CTNND2: variants seen among roughly 807,000 people sequenced by gnomAD.
The protein encoded by CTNND2 is catenin delta-2.
Under a neutral mutation model 144.4 loss-of-function variants are expected in CTNND2, and 22 were observed. The ratio of observed to expected loss-of-function variants is 0.15; its 90% CI spans 0.11 to 0.22. The LOEUF is 0.22. CTNND2 is among the 10% of genes least tolerant of loss of function. The pLI, the probability that CTNND2 is intolerant of heterozygous loss-of-function variation, is 1.00. For missense variants in CTNND2, 1,353 were observed against 1,618.8 expected (o/e 0.84, Z 2.82); for synonymous variants, 751 against 695.6 (o/e 1.08, Z -1.25).
At chr5:11,340,143 C>T (rs992848642) in intron 9 of CTNND2, among the ~76,000 whole-genome samples, 1 of 152,162 alleles carries the variant, frequency 6.6e-6, no homozygotes, top group East Asian at 1.9e-4. Flanking sequence ...GTCCTCTTTA[C>T]CTGGAAAGCT....
At chr5:11,056,349 C>T (rs1746350500) in intron 16 of CTNND2, among the ~76,000 whole-genome samples, 1 of 152,008 alleles carries the variant, frequency 6.6e-6, no homozygotes, top group African/African-American at 2.4e-5. Context: ...ATGTAGAAAA[C>T]AAATGGAAAT....
chr5:11,615,896 T>C (rs1780556223), intron 2 of CTNND2, among the ~76,000 whole-genome samples: 1 of 152,190 alleles, frequency 6.6e-6, no homozygotes, highest in Non-Finnish European at 1.5e-5. Context: ...TTTACACAAA[T>C]ATTCCTGTGT....
chr5:11,301,716 T>C (rs902679148), intron 9 of CTNND2, among the ~76,000 whole-genome samples: 1 of 152,222 alleles, frequency 6.6e-6, no homozygotes, highest in Non-Finnish European at 1.5e-5. Context: ...AAACATATTT[T>C]GTGTTTTAAT....
At chr5:11,792,190 T>G (rs928104526) in intron 1 of CTNND2, among the ~76,000 whole-genome samples, 11 of 152,202 alleles carry the variant, frequency 7.2e-5, no homozygotes, top group African/African-American at 2.7e-4. Flanking sequence ...AATGCTCTAA[T>G]TACATAGTTA....
chr5:11,799,564 G>A lies in CTNND2; in HGVS notation c.38-67292C>T, dbSNP rs915777330. On this transcript the variant is annotated intron_variant, in intron 1 of 21. Transcript: ENST00000304623. ...CATTTTCAATGCATTTTTGTTCACT[G>A]ACACAATATACAGACTTTTTTGTGG... 2.4e-4 allele frequency among the ~76,000 whole-genome samples: 36 copies of A among 152,026 alleles called. 1 individual carries two copies. The highest frequency in any genetic ancestry group is 4.8e-5 in the African/African-American group (2 of 41,384).
chr5:11,093,336 T>C (rs549347700), intron 15 of CTNND2, among the ~76,000 whole-genome samples: 2 of 152,006 alleles, frequency 1.3e-5, no homozygotes, highest in Non-Finnish European at 2.9e-5. Flanking sequence ...TTCAAAGCAC[T>C]ATACCCAATT....
At chr5:11,242,125 T>C (rs944097078) in intron 9 of CTNND2, among the ~76,000 whole-genome samples, 3 of 152,170 alleles carry the variant, frequency 2.0e-5, no homozygotes, top group Admixed American at 6.5e-5. Flanking sequence ...GGTCTGTGGA[T>C]ACTGTTGTGA....
At chr5:11,451,069 T>A (rs968709061) in intron 3 of CTNND2, among the ~76,000 whole-genome samples, 11 of 151,694 alleles carry the variant, frequency 7.3e-5, no homozygotes, top group Non-Finnish European at 1.3e-4. Context: ...TGTAGAAATT[T>A]TAAAAATTAT....
chr5:11,759,790 T>C (rs925685428), intron 1 of CTNND2, among the ~76,000 whole-genome samples: 1 of 152,114 alleles, frequency 6.6e-6, no homozygotes, highest in African/African-American at 2.4e-5. Flanking sequence ...AATACAGCAA[T>C]GCTATGCAGT....
chr5:11,788,140 C>T (rs944945071), intron 1 of CTNND2, among the ~76,000 whole-genome samples: 7 of 152,170 alleles, frequency 4.6e-5, no homozygotes, highest in Admixed American at 2.0e-4. Context: ...GTTTGACCAA[C>T]CGTAGCCTTA....
intron 1 of CTNND2, among the ~76,000 whole-genome samples, chr5:11,872,138 G>A (rs1735186980): frequency 1.3e-5 from 2 of 151,940 alleles, no homozygotes; most frequent in African/African-American, 4.8e-5. Context: ...GGGGTGTTTG[G>A]TTTTCTGTTC....
chr5:11,364,009 A>G (rs911579188), intron 8 of CTNND2, among the ~76,000 whole-genome samples: 4 of 152,232 alleles, frequency 2.6e-5, no homozygotes, highest in African/African-American at 9.6e-5. Context: ...TGGAGTTAAG[A>G]TAAGTGTTCT....
At chr5:11,497,551 G>A (rs1476314760) in intron 3 of CTNND2, among the ~76,000 whole-genome samples, 1 of 142,240 alleles carries the variant, frequency 7.0e-6, no homozygotes, top group Non-Finnish European at 1.5e-5. Flanking sequence ...AGGCCCTGAG[G>A]CACAAAAGAA....
At chr5:11,761,626 T>G (rs1789268901) in intron 1 of CTNND2, among the ~76,000 whole-genome samples, 1 of 152,182 alleles carries the variant, frequency 6.6e-6, no homozygotes, top group East Asian at 1.9e-4. Context: ...TCATAATATT[T>G]CAATAAACTC....
intron 13 of CTNND2, among the ~76,000 whole-genome samples, chr5:11,113,698 A>G (rs1753255775): frequency 6.6e-6 from 1 of 152,238 alleles, no homozygotes; most frequent in Non-Finnish European, 1.5e-5. Context: ...GTGATGGCAC[A>G]TAATACAATT....
At chr5:11,192,870 C>T (rs903455316) in intron 11 of CTNND2, among the ~76,000 whole-genome samples, 1 of 152,208 alleles carries the variant, frequency 6.6e-6, no homozygotes, top group Middle Eastern at 3.2e-3. Flanking sequence ...ATGACCAATA[C>T]AAACTCCACT....
intron 2 of CTNND2, among the ~76,000 whole-genome samples, chr5:11,569,052 T>C (rs1407089793): frequency 6.6e-6 from 1 of 152,136 alleles, no homozygotes; most frequent in Admixed American, 6.5e-5. Flanking sequence ...AGATAATAAA[T>C]AGAAGAGTAA....
chr5:11,493,179 C>T (rs894501002), intron 3 of CTNND2, among the ~76,000 whole-genome samples: 1 of 152,060 alleles, frequency 6.6e-6, no homozygotes, highest in Non-Finnish European at 1.5e-5. Flanking sequence ...GAGTGACCTG[C>T]GTGGCCTTGC....
chr5:11,346,570 C>A lies in CTNND2; in HGVS notation c.1430G>T (p.Gly477Val). 1.3e-6 allele frequency: 2 copies of A among 1,599,090 alleles called. No homozygotes were observed. Among genetic ancestry groups the A allele is most frequent in the Non-Finnish European group, 8.5e-7 (1 of 1,172,834 alleles). ...VPLQRTGSQHGPQNAAAATFQ... is the reference protein window; with the variant it reads ...VPLQRTGSQHVPQNAAAATFQ... ...GGTGGCCGCGGCGGCATTCTGTGGG[C>A]CGTGCTGGCTGCCTGTGCGCTGCAA... The change falls in exon 9 of 22, where the codon GGC becomes GTC. Residue 477 changes from glycine (G) to valine (V), a missense_variant. Physicochemically the swap from Gly to Val is moderately radical, Grantham distance 109 (BLOSUM62 -3). Around this residue, in one of 4 missense-constraint regions of CTNND2, gnomAD observed 708 missense variants for 706.4 expected, o/e 1.00. Transcript: ENST00000304623.
Sources: gnomAD v4.1 joint callset for allele counts (sites outside exome capture counted in the v4.1 genomes callset) on GRCh38, gnomAD v4.1.1 for gene constraint, gnomAD v4.1.1 regional missense constraint, MANE v1.5 for transcripts, NCBI Gene and HGNC (gene_info 2026-07-23, HGNC 2026-07-21) for gene names.